Variants in ADAMTS3 observed in about 807,000 individuals in gnomAD.
ADAMTS3 encodes the protein ADAM metallopeptidase with thrombospondin type 1 motif 3, also known as A disintegrin and metalloproteinase with thrombospondin motifs 3.
ADAMTS3 carries 73 observed loss-of-function variants against 129.0 expected under a neutral mutation model. That is an observed-to-expected ratio of 0.57 (90% CI 0.47 to 0.69). The LOEUF is 0.69. Ranked by LOEUF, ADAMTS3 falls within the 30% of genes least tolerant of loss-of-function variation. The probability of loss-of-function intolerance (pLI) is 0.00; values close to 1 mark genes in which losing one functional copy is unlikely to be tolerated. For missense variants in ADAMTS3, 1,457 were observed against 1,514.5 expected (o/e 0.96, Z 0.63); for synonymous variants, 477 against 510.8 (o/e 0.93, Z 0.89).
intron 3 of ADAMTS3, among the ~76,000 whole-genome samples, chr4:72,540,985 G>A (rs961316484): frequency 3.3e-5 from 5 of 152,196 alleles, no homozygotes; most frequent in African/African-American, 1.2e-4. Context: ...CCACCTAGTG[G>A]AGCTGTGAGA....
intron 3 of ADAMTS3, among the ~76,000 whole-genome samples, chr4:72,445,233 G>T (rs1289431818): frequency 6.6e-6 from 1 of 151,642 alleles, no homozygotes; most frequent in Admixed American, 6.6e-5. Flanking sequence ...ATATTTTGTA[G>T]CTGAAATGAC....
At chr4:72,284,337 C>A (rs533436017) in intron 21 of ADAMTS3, among the ~76,000 whole-genome samples, 1 of 151,506 alleles carries the variant, frequency 6.6e-6, no homozygotes, top group South Asian at 2.1e-4. Context: ...CCCAGCTACT[C>A]GTGAGGCTGA....
At chr4:72,373,544 T>C (rs1228987184) in intron 4 of ADAMTS3, among the ~76,000 whole-genome samples, 1 of 152,120 alleles carries the variant, frequency 6.6e-6, no homozygotes, top group African/African-American at 2.4e-5. Flanking sequence ...ACATACTACA[T>C]GAATTCATTT....
At chr4:72,328,852 T>C (rs1719765135) in intron 5 of ADAMTS3, among the ~76,000 whole-genome samples, 2 of 152,166 alleles carry the variant, frequency 1.3e-5, no homozygotes, top group South Asian at 4.1e-4. Flanking sequence ...AAAAGAATAC[T>C]GAAATGGACT....
chr4:72,493,387 A>G (rs1560537078), intron 3 of ADAMTS3, among the ~76,000 whole-genome samples: 1 of 151,856 alleles, frequency 6.6e-6, no homozygotes, highest in Non-Finnish European at 1.5e-5. Flanking sequence ...TGTGCCTATT[A>G]CACGCTTTTT....
rs1436727312 is a variant in ADAMTS3 at position 72,568,842 on chromosome 4, T to G, written c.-80A>C. On this transcript the variant is annotated 5_prime_UTR_variant, in exon 1 of 22. Transcript: ENST00000286657. Reference sequence around the variant, plus strand: ...CCACCCCCCCCGCCCAAAATAAGTTTCTTTAAGAAAAAAAGGAAAAGGGAA... The same window carrying G: ...CCACCCCCCCCGCCCAAAATAAGTTGCTTTAAGAAAAAAAGGAAAAGGGAA... 4.8e-6 allele frequency: 5 copies of G among 1,039,490 alleles called. No homozygotes were observed. In the Admixed American group the frequency reaches 1.1e-4, roughly 24 times the overall value. The allele number at this position is 1,039,490 out of a possible 1,614,324, so 64.4% of individuals were successfully genotyped here.
At chr4:72,534,110 G>A (rs962658110) in intron 3 of ADAMTS3, among the ~76,000 whole-genome samples, 1 of 152,112 alleles carries the variant, frequency 6.6e-6, no homozygotes, top group Non-Finnish European at 1.5e-5. Flanking sequence ...GGTGGATCGC[G>A]AGGTCGAGAG....
At chr4:72,367,697 A>G (rs1720902740) in intron 4 of ADAMTS3, among the ~76,000 whole-genome samples, 1 of 152,036 alleles carries the variant, frequency 6.6e-6, no homozygotes, top group South Asian at 2.1e-4. Flanking sequence ...AAAAACACAA[A>G]AGATTAGCCG....
chr4:72,442,906 A>AC (rs201651603), intron 3 of ADAMTS3, among the ~76,000 whole-genome samples: 3 of 151,648 alleles, frequency 2.0e-5, no homozygotes, highest in Non-Finnish European at 4.4e-5. Context: ...ACTTTGACTC[A>AC]CCCCCGAAAA....
At position 72,318,021 on chromosome 4, in the gene ADAMTS3, T is replaced by A. The variant is rs1291250874; in HGVS notation, c.1485+551A>T. 4.1e-5 allele frequency among the ~76,000 whole-genome samples: 6 copies of A among 145,798 alleles called. No individual in the cohort carries two copies. In the East Asian group the frequency reaches 1.2e-3, roughly 29 times the overall value. On this transcript the variant is annotated intron_variant, in intron 10 of 21. Transcript: ENST00000286657. ...TCCAGCCTGGGCGACAGAGTGAGACTCCGTCTCAAAAAAAAAAAAAAGAAA... is the reference window on the plus strand; with the variant it reads ...TCCAGCCTGGGCGACAGAGTGAGACACCGTCTCAAAAAAAAAAAAAAGAAA...
At chr4:72,330,935 A>G (rs1719835629) in intron 5 of ADAMTS3, among the ~76,000 whole-genome samples, 1 of 152,162 alleles carries the variant, frequency 6.6e-6, no homozygotes, top group Non-Finnish European at 1.5e-5. Flanking sequence ...ACAGGAATCT[A>G]TAAACTTTTT....
At chr4:72,375,681 A>G (rs971474027) in intron 4 of ADAMTS3, among the ~76,000 whole-genome samples, 1 of 152,142 alleles carries the variant, frequency 6.6e-6, no homozygotes, top group African/African-American at 2.4e-5. Context: ...TACTTAAAAG[A>G]GGAGGTCCTT....
At chr4:72,367,711 G>T (rs774621322) in intron 4 of ADAMTS3, among the ~76,000 whole-genome samples, 1 of 152,060 alleles carries the variant, frequency 6.6e-6, no homozygotes, top group Admixed American at 6.6e-5. Context: ...TTAGCCGGGC[G>T]TGGCGGCAGG....
At chr4:72,420,940 A>C (rs1442360663) in intron 3 of ADAMTS3, among the ~76,000 whole-genome samples, 1 of 152,178 alleles carries the variant, frequency 6.6e-6, no homozygotes, top group East Asian at 1.9e-4. Context: ...ATTAAGAAAA[A>C]AAAAAGTCAT....
At chr4:72,564,181 C>G (rs1721970494) in intron 2 of ADAMTS3, among the ~76,000 whole-genome samples, 1 of 152,090 alleles carries the variant, frequency 6.6e-6, no homozygotes, top group African/African-American at 2.4e-5. Context: ...AAAGGGAAGA[C>G]AGCTTAACAC....
intron 2 of ADAMTS3, among the ~76,000 whole-genome samples, chr4:72,565,698 G>A (rs997595021): frequency 6.6e-6 from 1 of 152,296 alleles, no homozygotes; most frequent in Middle Eastern, 3.4e-3. Flanking sequence ...AGAGGGCTCC[G>A]CCTCCTCTCT....
At chr4:72,323,745 G>A (rs915051473) in intron 5 of ADAMTS3, among the ~76,000 whole-genome samples, 4 of 152,168 alleles carry the variant, frequency 2.6e-5, no homozygotes, top group Non-Finnish European at 5.9e-5. Flanking sequence ...GCAAATTTGA[G>A]TCACTGCTTT....
At chr4:72,539,953 T>C (rs1721280339) in intron 3 of ADAMTS3, among the ~76,000 whole-genome samples, 1 of 152,036 alleles carries the variant, frequency 6.6e-6, no homozygotes, top group African/African-American at 2.4e-5. Context: ...AGCGTGAAAA[T>C]GGACTAACAC....
chr4:72,321,659 A>T (rs1719558474), intron 6 of ADAMTS3, among the ~76,000 whole-genome samples: 1 of 152,174 alleles, frequency 6.6e-6, no homozygotes, highest in Non-Finnish European at 1.5e-5. Flanking sequence ...ATTTTTTACG[A>T]TCCAGAATTA....
Sources: allele counts gnomAD v4.1 joint callset (sites outside exome capture counted in the v4.1 genomes callset), GRCh38; gene constraint gnomAD v4.1.1; transcripts MANE v1.5; gene names NCBI Gene and HGNC (gene_info 2026-07-23, HGNC 2026-07-21).